The following ADAMTSL1 variants were observed in gnomAD, a reference collection of about 807,000 sequenced individuals.
The protein encoded by ADAMTSL1 is ADAMTS like 1.
ADAMTSL1 carries 126 observed loss-of-function variants against 201.8 expected under a neutral mutation model. That is an observed-to-expected ratio of 0.62 (90% CI 0.54 to 0.72). The LOEUF is 0.72. Among genes scored for constraint, ADAMTSL1 ranks in the 30% least tolerant of loss-of-function variants. The pLI is 0.00. For synonymous variants in ADAMTSL1, 1,121 were observed against 903.4 expected, an observed-to-expected ratio of 1.24 and a Z score of -4.32; for missense variants, 2,679 against 2,277.8, an observed-to-expected ratio of 1.18 and a Z score of -3.59.
At chr9:17,972,166 T>C (rs546354652) in intron 1 of ADAMTSL1, among the ~76,000 whole-genome samples, 2 of 151,250 alleles carry the variant, frequency 1.3e-5, no homozygotes, top group African/African-American at 2.4e-5. Context: ...AATTTTTTTA[T>C]TTTATTATTA....
At chr9:18,516,482 T>G (rs1564011367) in intron 2 of ADAMTSL1, among the ~76,000 whole-genome samples, 1 of 152,236 alleles carries the variant, frequency 6.6e-6, no homozygotes, top group Non-Finnish European at 1.5e-5. Context: ...TAGGAATCCC[T>G]GGTCCAGATA....
chr9:18,339,464 G>A (rs1352833346), intron 2 of ADAMTSL1, among the ~76,000 whole-genome samples: 1 of 152,140 alleles, frequency 6.6e-6, no homozygotes, highest in East Asian at 1.9e-4. Context: ...ACAGATGGTG[G>A]TGAGGTTGTG....
chr9:18,571,565 G>A (rs766256854), intron 3 of ADAMTSL1, among the ~76,000 whole-genome samples: 15 of 152,226 alleles, frequency 9.9e-5, no homozygotes, highest in Non-Finnish European at 1.9e-4. Flanking sequence ...AACTTTAGAC[G>A]CTCCCATTCA....
At chr9:18,701,575 C>A (rs141667785) in intron 13 of ADAMTSL1, among the ~76,000 whole-genome samples, 1 of 152,234 alleles carries the variant, frequency 6.6e-6, no homozygotes, top group Non-Finnish European at 1.5e-5. Flanking sequence ...CTTTTCTCAC[C>A]CTACTGTCAT....
intron 16 of ADAMTSL1, among the ~76,000 whole-genome samples, chr9:18,764,833 T>A (rs543297200): frequency 4.6e-5 from 7 of 152,350 alleles, no homozygotes; most frequent in African/African-American, 1.7e-4. Flanking sequence ...GACAATTTTT[T>A]AAAACTTTTC....
At chr9:18,345,501 T>G (rs1249458253) in intron 2 of ADAMTSL1, among the ~76,000 whole-genome samples, 2 of 152,170 alleles carry the variant, frequency 1.3e-5, no homozygotes, top group African/African-American at 4.8e-5. Context: ...TTTTCTAGGA[T>G]TTGACATTTT....
At chr9:18,374,403 C>T (rs149794580) in intron 2 of ADAMTSL1, among the ~76,000 whole-genome samples, 2 of 151,624 alleles carry the variant, frequency 1.3e-5, no homozygotes, top group East Asian at 3.9e-4. Context: ...GTGCAGTCAC[C>T]ACTGTCTGCA....
At chr9:18,293,176 C>G (rs1415122637) in intron 2 of ADAMTSL1, among the ~76,000 whole-genome samples, 1 of 152,162 alleles carries the variant, frequency 6.6e-6, no homozygotes, top group East Asian at 1.9e-4. Flanking sequence ...TGATGGGCAC[C>G]TAGGTTGATT....
chr9:18,518,154 T>C (rs1307580118), intron 2 of ADAMTSL1, among the ~76,000 whole-genome samples: 1 of 152,214 alleles, frequency 6.6e-6, no homozygotes, highest in African/African-American at 2.4e-5. Flanking sequence ...ATATTTACTA[T>C]TTTTTATTTT....
At chr9:17,915,185 G>T (rs143945225) in intron 1 of ADAMTSL1, among the ~76,000 whole-genome samples, 4 of 152,174 alleles carry the variant, frequency 2.6e-5, no homozygotes, top group East Asian at 1.9e-4. Flanking sequence ...CCTCCCTCCT[G>T]TCCTTGAGTC....
intron 1 of ADAMTSL1, among the ~76,000 whole-genome samples, chr9:17,981,955 A>T (rs1012514374): frequency 2.0e-5 from 3 of 152,200 alleles, no homozygotes; most frequent in Non-Finnish European, 4.4e-5. Flanking sequence ...AAGGTCAAGC[A>T]ACAAAATCTC....
At chr9:18,363,467 G>C (rs1193976217) in intron 2 of ADAMTSL1, among the ~76,000 whole-genome samples, 1 of 152,208 alleles carries the variant, frequency 6.6e-6, no homozygotes, top group Non-Finnish European at 1.5e-5. Context: ...GTTTTGCCTT[G>C]CCTCTTCTAA....
intron 2 of ADAMTSL1, among the ~76,000 whole-genome samples, chr9:18,195,988 A>G (rs1359430404): frequency 1.3e-5 from 2 of 152,184 alleles, no homozygotes; most frequent in Non-Finnish European, 2.9e-5. Flanking sequence ...AAGAAAAAAA[A>G]CAATTCATAC....
chr9:18,717,253 T>TAAATA (rs1183202399), intron 14 of ADAMTSL1, among the ~76,000 whole-genome samples: 1 of 120,262 alleles, frequency 8.3e-6, no homozygotes, highest in African/African-American at 3.5e-5. Flanking sequence ...ATAATAATAA[T>TAAATA]AAATAAAATA....
intron 2 of ADAMTSL1, among the ~76,000 whole-genome samples, chr9:18,241,248 T>C (rs1251198716): frequency 1.3e-5 from 2 of 152,200 alleles, no homozygotes; most frequent in Non-Finnish European, 2.9e-5. Context: ...GCCTTTTCCT[T>C]TCACTTGAAC....
Position 18,264,511 on chromosome 9 carries a change from A to T in ADAMTSL1, c.207+100530A>T, listed in dbSNP as rs114535059. Reference sequence around the variant, plus strand: ...GGGGAGTGATGTCCACAGATGGGATATGGAAGAAGTCAAAAGCCACAGGCA... The same window carrying T: ...GGGGAGTGATGTCCACAGATGGGATTTGGAAGAAGTCAAAAGCCACAGGCA... On this transcript the variant is annotated intron_variant, in intron 2 of 29. Coordinates refer to the ADAMTSL1 transcript ENST00000680146. Among the ~76,000 whole-genome samples, 318 of 152,312 alleles carry T rather than the reference A, an allele frequency of 2.1e-3. 2 individuals carry two copies. The highest frequency in any genetic ancestry group is 7.5e-3 in the African/African-American group (312 of 41,574).
intron 13 of ADAMTSL1, among the ~76,000 whole-genome samples, chr9:18,688,681 AAAAAAAAAAT>A (rs1831004976): frequency 3.6e-5 from 1 of 27,470 alleles, no homozygotes; most frequent in Non-Finnish European, 8.4e-5. Context: ...AAAAAAAAAA[AAAAAAAAAAT>A]ATATATATAT....
chr9:17,946,617 C>G (rs1588459927), intron 1 of ADAMTSL1, among the ~76,000 whole-genome samples: 1 of 151,934 alleles, frequency 6.6e-6, no homozygotes, highest in South Asian at 2.1e-4. Flanking sequence ...AATAGGAATT[C>G]TTTAGGAATT....
intron 9 of ADAMTSL1, among the ~76,000 whole-genome samples, chr9:18,664,450 C>G (rs1343245615): frequency 6.6e-6 from 1 of 152,076 alleles, no homozygotes; most frequent in Admixed American, 6.6e-5. Context: ...TCAACCAACA[C>G]TTTTGTGTCC....
Sources: gnomAD v4.1 joint callset for allele counts (sites outside exome capture counted in the v4.1 genomes callset) on GRCh38, gnomAD v4.1.1 for gene constraint, MANE v1.5 for transcripts, NCBI Gene and HGNC (gene_info 2026-07-23, HGNC 2026-07-21) for gene names.